The following INSL6 variants were observed in gnomAD, a reference collection of about 807,000 sequenced individuals.
The protein encoded by INSL6 is insulin like 6.
A neutral mutation model predicts 9.4 loss-of-function variants in INSL6; 16 were observed. The observed-to-expected ratio is 1.70, with a 90% CI of 1.15 to 2.59. The LOEUF (loss-of-function observed/expected upper bound fraction) is 2.59. INSL6 is among the 30% of genes most tolerant of loss of function. The probability of loss-of-function intolerance (pLI) is 0.00; values close to 1 mark genes in which losing one functional copy is unlikely to be tolerated. For synonymous variants in INSL6, 154 were observed against 96.9 expected, an observed-to-expected ratio of 1.59 and a Z score of -3.46; for missense variants, 391 against 257.3, an observed-to-expected ratio of 1.52 and a Z score of -3.56.
rs189628125 is a variant in INSL6, at chr9:5,139,589, A to G, written c.377-5997T>C. Reference sequence around the variant, plus strand: ...GGAACCATATTTTCTAAAAGGTATCATATCTGCTACATGAAATATAACTAG... The same window carrying G: ...GGAACCATATTTTCTAAAAGGTATCGTATCTGCTACATGAAATATAACTAG... On this transcript the variant is annotated intron_variant, in intron 2 of 3. Coordinates refer to the INSL6 transcript ENST00000649639. Among the ~76,000 whole-genome samples the G allele has an allele frequency of 4.5e-3, 693 of 152,324 alleles. 7 individuals are homozygous for G. Among genetic ancestry groups the G allele is most frequent in the African/African-American group, 0.015 (630 of 41,580 alleles).
At chr9:5,085,613 C>G in the INSL6 span, 3 of 701,632 alleles carry the variant, frequency 4.3e-6, no homozygotes, top group Non-Finnish European at 8.0e-6. Context: ...AGAATTAAAT[C>G]TCCAGCAAGG....
downstream of INSL6, among the ~76,000 whole-genome samples, chr9:5,121,472 T>C (rs1823610910): frequency 6.6e-6 from 1 of 152,156 alleles, no homozygotes; most frequent in Middle Eastern, 3.2e-3. Context: ...CATATCTTCA[T>C]GACAGGAGGT....
the INSL6 span, among the ~76,000 whole-genome samples, chr9:5,036,621 C>A: frequency 6.6e-6 from 1 of 152,196 alleles, no homozygotes; most frequent in Non-Finnish European, 1.5e-5. Context: ...AAAGGATTCC[C>A]TATTTAATAA....
chr9:5,114,514 C>A, the INSL6 span: 1 of 467,894 alleles, frequency 2.1e-6, no homozygotes, highest in South Asian at 1.8e-5. Context: ...GTGTTTGCAA[C>A]GCTAGAAGAG....
At chr9:5,117,382 T>C in the INSL6 span, among the ~76,000 whole-genome samples, 6 of 152,236 alleles carry the variant, frequency 3.9e-5, no homozygotes, top group African/African-American at 7.2e-5. Flanking sequence ...TTTAGAAAGA[T>C]AGCTCTACTT....
the INSL6 span, chr9:5,069,999 A>T: frequency 6.2e-7 from 1 of 1,608,078 alleles, no homozygotes; most frequent in Non-Finnish European, 8.5e-7. Flanking sequence ...ACAGAGGCCT[A>T]CTCATATGAA....
chr9:5,072,910 G>T, the INSL6 span, among the ~76,000 whole-genome samples: 2 of 152,070 alleles, frequency 1.3e-5, no homozygotes, highest in African/African-American at 2.4e-5. Flanking sequence ...GCTCCCCAGA[G>T]CTTTATGGGT....
chr9:5,119,130 T>C (rs1823425652), downstream of INSL6, among the ~76,000 whole-genome samples: 1 of 152,136 alleles, frequency 6.6e-6, no homozygotes, highest in Non-Finnish European at 1.5e-5. Flanking sequence ...AAAGGTTGAG[T>C]AGATTTTGTG....
the INSL6 span, among the ~76,000 whole-genome samples, chr9:5,065,278 T>G: frequency 6.6e-6 from 1 of 152,370 alleles, no homozygotes; most frequent in African/African-American, 2.4e-5. Flanking sequence ...TTGTTAATCA[T>G]GCCTATGTGT....
chr9:5,081,962 C>G, the INSL6 span: 2 of 966,414 alleles, frequency 2.1e-6, no homozygotes, highest in East Asian at 2.4e-5. Flanking sequence ...TTAAGGAGTG[C>G]TTGTAGAAAA....
At chr9:5,170,080 G>A (rs7849717) in intron 1 of INSL6, among the ~76,000 whole-genome samples, 62,351 of 151,098 alleles carry the variant, frequency 0.41, 15,458 homozygotes, top group African/African-American at 0.71. Context: ...TTGGCACCAC[G>A]TGGCACATCA....
the INSL6 span, among the ~76,000 whole-genome samples, chr9:4,991,982 A>G: frequency 1.3e-5 from 2 of 152,100 alleles, no homozygotes; most frequent in Non-Finnish European, 2.9e-5. Flanking sequence ...AAACTTAGTG[A>G]TTTAAAACAA....
chr9:5,171,754 G>C (rs951669123), intron 1 of INSL6, among the ~76,000 whole-genome samples: 31 of 152,064 alleles, frequency 2.0e-4, no homozygotes. Flanking sequence ...GCTACAAAGA[G>C]AATATACCTA....
chr9:5,042,163 C>G, the INSL6 span, among the ~76,000 whole-genome samples: 2 of 138,456 alleles, frequency 1.4e-5, no homozygotes, highest in African/African-American at 2.8e-5. Context: ...CGGAGTCTCG[C>G]TTTGTCGCCC....
At chr9:5,012,438 A>G in the INSL6 span, among the ~76,000 whole-genome samples, 2 of 152,246 alleles carry the variant, frequency 1.3e-5, no homozygotes, top group African/African-American at 4.8e-5. Context: ...CTACTCTCTC[A>G]TTATCAAAAA....
chr9:4,995,447 T>C, the INSL6 span, among the ~76,000 whole-genome samples: 1 of 152,370 alleles, frequency 6.6e-6, no homozygotes, highest in African/African-American at 2.4e-5. Flanking sequence ...ATGCAAGATA[T>C]AAGATGGGAC....
At chr9:5,011,732 G>T in the INSL6 span, among the ~76,000 whole-genome samples, 1 of 152,100 alleles carries the variant, frequency 6.6e-6, no homozygotes, top group Non-Finnish European at 1.5e-5. Context: ...GGATGATGTG[G>T]ATTTCAATCT....
the INSL6 span, chr9:5,113,888 T>TA: frequency 4.6e-6 from 1 of 217,020 alleles, no homozygotes; most frequent in Non-Finnish European, 9.4e-6. Flanking sequence ...GTGAAGATCT[T>TA]ACAGTCCTCC....
At chr9:5,136,654 A>G (rs894353113) in intron 2 of INSL6, among the ~76,000 whole-genome samples, 2 of 152,206 alleles carry the variant, frequency 1.3e-5, no homozygotes, top group African/African-American at 4.8e-5. Context: ...ACAAACTCAC[A>G]GCAAATATAA....
Sources: allele counts gnomAD v4.1 joint callset (sites outside exome capture counted in the v4.1 genomes callset), GRCh38; gene constraint gnomAD v4.1.1; transcripts MANE v1.5; gene names NCBI Gene and HGNC (gene_info 2026-07-23, HGNC 2026-07-21).